Variants in HNRNPC observed in about 807,000 individuals in gnomAD.
The protein encoded by HNRNPC is heterogeneous nuclear ribonucleoprotein C, also known as heterogeneous nuclear ribonucleoproteins C1/C2.
In HNRNPC, 3 loss-of-function variants were observed where a neutral mutation model predicts 33.2. The ratio of observed to expected loss-of-function variants is 0.09; its 90% CI spans 0.04 to 0.23. The LOEUF (loss-of-function observed/expected upper bound fraction) is 0.23. HNRNPC is among the 10% of genes least tolerant of loss of function. The probability of loss-of-function intolerance (pLI) is 1.00; values close to 1 mark genes in which losing one functional copy is unlikely to be tolerated. For missense variants in HNRNPC, 143 were observed against 366.7 expected, an observed-to-expected ratio of 0.39 and a Z score of 4.98; for synonymous variants, 121 against 126.7, an observed-to-expected ratio of 0.96 and a Z score of 0.30.
At chr14:21,255,783 T>C (rs568397709) in intron 2 of HNRNPC, among the ~76,000 whole-genome samples, 2 of 152,364 alleles carry the variant, frequency 1.3e-5, no homozygotes, top group South Asian at 2.1e-4. Flanking sequence ...ATATCTCTTA[T>C]GTCTTTACAT....
At chr14:21,259,916 T>C (rs1042831560) in intron 2 of HNRNPC, among the ~76,000 whole-genome samples, 15 of 142,956 alleles carry the variant, frequency 1.0e-4, no homozygotes, top group Admixed American at 6.3e-4. Context: ...AATAGTCAGG[T>C]GGGCCGGGCG....
At chr14:21,242,109 C>T (rs7156266) in intron 2 of HNRNPC, among the ~76,000 whole-genome samples, 28,944 of 152,044 alleles carry the variant, frequency 0.19, 3,307 homozygotes, top group African/African-American at 0.29. Flanking sequence ...AATAAAACAA[C>T]TCTCAAAAGG....
chr14:21,211,654 C>T, intron 7 of HNRNPC, 88 bp from the exon 8 acceptor site: 1 of 1,490,054 alleles, frequency 6.7e-7, no homozygotes, highest in Non-Finnish European at 9.1e-7. Context: ...AACTGCAGCA[C>T]AAATCTAAAT....
chr14:21,233,856 T>A, intron 3 of HNRNPC, 97 bp downstream of exon 3: 1 of 1,431,740 alleles, frequency 7.0e-7, no homozygotes, highest in Non-Finnish European at 9.5e-7. Flanking sequence ...ATCCAGAATA[T>A]CTCATGCTGT....
At chr14:21,259,595 T>G (rs952845715) in intron 2 of HNRNPC, among the ~76,000 whole-genome samples, 3 of 152,184 alleles carry the variant, frequency 2.0e-5, no homozygotes, top group African/African-American at 4.8e-5. Flanking sequence ...TCCCAGAAGC[T>G]AGAAACCAGC....
intron 5 of HNRNPC, among the ~76,000 whole-genome samples, chr14:21,218,429 T>C (rs986748689): frequency 2.0e-5 from 3 of 152,122 alleles, no homozygotes; most frequent in African/African-American, 7.2e-5. Flanking sequence ...CCCATGCCTG[T>C]AATCCCAGCA....
At chr14:21,233,882 A>G (rs974340511) in intron 3 of HNRNPC, 71 bp downstream of exon 3, 10 of 1,561,516 alleles carry the variant, frequency 6.4e-6, no homozygotes, top group Non-Finnish European at 8.7e-6. Flanking sequence ...TTACAGACAT[A>G]AAGACAAAAA....
chr14:21,211,119 T>C lies in HNRNPC; in HGVS notation c.*104A>G. 1 of 1,172,090 alleles carries C rather than the reference T, an allele frequency of 8.5e-7. No individual in the cohort carries two copies. The allele number at this position is 1,172,090 out of a possible 1,614,324, so 72.6% of individuals were successfully genotyped here. ...ACAAGGATGGGGAGAACAGTGAGCA[T>C]GTGCTGAAGATACTAGGGGAGAGGA... On this transcript the variant is annotated 3_prime_UTR_variant, in exon 9 of 9. Coordinates refer to ENST00000553300, the MANE Select transcript of HNRNPC (RefSeq NM_004500.4).
intron 5 of HNRNPC, among the ~76,000 whole-genome samples, chr14:21,216,019 G>A (rs1892136610): frequency 6.6e-6 from 1 of 151,226 alleles, no homozygotes; most frequent in Admixed American, 6.6e-5. Context: ...AGGAGGCTGA[G>A]GCACGAGAGT....
At chr14:21,232,341 T>C (rs181803141) in intron 3 of HNRNPC, among the ~76,000 whole-genome samples, 168 of 152,196 alleles carry the variant, frequency 1.1e-3, no homozygotes, top group African/African-American at 3.8e-3. Context: ...TGCCCCAAAA[T>C]ATAAATTCCA....
At chr14:21,224,811 C>CA (rs1893227021) in intron 5 of HNRNPC, among the ~76,000 whole-genome samples, 1 of 152,156 alleles carries the variant, frequency 6.6e-6, no homozygotes. Flanking sequence ...CATGTGTCAT[C>CA]TTTGACCTGT....
chr14:21,242,861 T>C lies in HNRNPC; in HGVS notation c.-36-8632A>G, dbSNP rs115274900. Among the ~76,000 whole-genome samples the C allele has an allele frequency of 3.8e-3, 575 of 152,260 alleles. 5 individuals are homozygous for C. Among genetic ancestry groups the C allele is most frequent in the African/African-American group, 0.013 (526 of 41,554 alleles). On this transcript the variant is annotated intron_variant, in intron 2 of 8. Transcript: ENST00000553300. The stretch of plus-strand genomic sequence containing the variant: ...ATTTCAAGTTTGTGGGCAATCACAA[T>C]ACAACTGGTTTGGACACCTCAAAAA...
At chr14:21,245,844 T>C (rs1337555746) in intron 2 of HNRNPC, among the ~76,000 whole-genome samples, 2 of 152,026 alleles carry the variant, frequency 1.3e-5, no homozygotes, top group African/African-American at 4.8e-5. Flanking sequence ...CATTATAATC[T>C]CTTTTACTTT....
intron 5 of HNRNPC, among the ~76,000 whole-genome samples, chr14:21,226,328 A>G (rs1194990639): frequency 1.7e-5 from 1 of 59,524 alleles, no homozygotes; most frequent in African/African-American, 6.4e-5. Flanking sequence ...TTTCCAAAAG[A>G]AAAAAAAAAA....
chr14:21,219,834 A>C (rs1892627619), intron 5 of HNRNPC, among the ~76,000 whole-genome samples: 1 of 152,186 alleles, frequency 6.6e-6, no homozygotes, highest in African/African-American at 2.4e-5. Flanking sequence ...TCCACAACTG[A>C]TTTATGATAT....
intron 5 of HNRNPC, among the ~76,000 whole-genome samples, chr14:21,225,689 A>G (rs966126808): frequency 1.3e-5 from 2 of 152,158 alleles, no homozygotes; most frequent in African/African-American, 4.8e-5. Flanking sequence ...ATGACTGTCC[A>G]TAAGACAGTG....
At chr14:21,256,629 T>C (rs1412683811) in intron 2 of HNRNPC, among the ~76,000 whole-genome samples, 2 of 152,008 alleles carry the variant, frequency 1.3e-5, no homozygotes, top group Admixed American at 6.6e-5. Context: ...AGTGGTATAT[T>C]TTGAAGAGCT....
At chr14:21,258,426 A>T (rs181136453) in intron 2 of HNRNPC, among the ~76,000 whole-genome samples, 2 of 152,314 alleles carry the variant, frequency 1.3e-5, no homozygotes, top group East Asian at 3.9e-4. Context: ...AAAGTGACGA[A>T]AGGAGTCTAC....
chr14:21,211,709 AT>A, intron 7 of HNRNPC, 100 bp downstream of exon 7: 1 of 1,417,858 alleles, frequency 7.1e-7, no homozygotes, highest in Non-Finnish European at 9.8e-7. Flanking sequence ...CCCAAGTTTC[AT>A]ATTACATTGC....
Sources: allele counts gnomAD v4.1 joint callset (sites outside exome capture counted in the v4.1 genomes callset), GRCh38; gene constraint gnomAD v4.1.1; transcripts MANE v1.5; gene names NCBI Gene and HGNC (gene_info 2026-07-23, HGNC 2026-07-21).